Variants in AKR1C8 observed in about 807,000 individuals in gnomAD.
AKR1C8 encodes the protein aldo-keto reductase family 1 member C-like protein 1.
the AKR1C8 span, among the ~76,000 whole-genome samples, chr10:5,128,175 A>G: frequency 6.6e-6 from 1 of 152,166 alleles, no homozygotes; most frequent in African/African-American, 2.4e-5. Flanking sequence ...TGTATCCAGC[A>G]AAACTATATT....
the AKR1C8 span, chr10:5,159,814 G>A: frequency 2.1e-6 from 1 of 473,516 alleles, no homozygotes; most frequent in South Asian, 1.5e-5. Flanking sequence ...GAAACTTGGA[G>A]ACATGATTAA....
At chr10:5,180,833 G>A in the AKR1C8 span, among the ~76,000 whole-genome samples, 190 of 152,262 alleles carry the variant, frequency 1.2e-3, 1 homozygote, top group African/African-American at 4.3e-3. Context: ...TTTTAAGCCC[G>A]TCGGAAAAGC....
chr10:5,177,156 A>G, the AKR1C8 span, among the ~76,000 whole-genome samples: 1 of 152,176 alleles, frequency 6.6e-6, no homozygotes. Flanking sequence ...CATCCCATCA[A>G]TACCTGATTT....
At chr10:5,136,739 C>G in the AKR1C8 span, among the ~76,000 whole-genome samples, 13 of 152,114 alleles carry the variant, frequency 8.5e-5, no homozygotes, top group Non-Finnish European at 1.2e-4. Context: ...ACTATATGTT[C>G]TGAATCAGAA....
chr10:5,127,245 A>C, the AKR1C8 span, among the ~76,000 whole-genome samples: 1 of 152,182 alleles, frequency 6.6e-6, no homozygotes, highest in Non-Finnish European at 1.5e-5. Flanking sequence ...ATATAAATGA[A>C]AAATTTTCCA....
chr10:5,138,791 A>G, the AKR1C8 span, among the ~76,000 whole-genome samples: 203 of 152,126 alleles, frequency 1.3e-3, 4 homozygotes, highest in South Asian at 0.041. Flanking sequence ...CACCACTCCT[A>G]TTCAACATAG....
the AKR1C8 span, among the ~76,000 whole-genome samples, chr10:5,122,554 G>C: frequency 3.3e-5 from 5 of 152,176 alleles, no homozygotes; most frequent in African/African-American, 7.2e-5. Flanking sequence ...ACTTGATCCA[G>C]CCTTAGACTG....
At chr10:5,158,833 C>T in the AKR1C8 span, 263 of 396,532 alleles carry the variant, frequency 6.6e-4, 1 homozygote, top group African/African-American at 5.2e-3. Flanking sequence ...TTCATGTTGG[C>T]CCTTTTCCCC....
chr10:5,137,770 T>C, the AKR1C8 span, among the ~76,000 whole-genome samples: 5 of 152,062 alleles, frequency 3.3e-5, no homozygotes, highest in East Asian at 9.7e-4. Flanking sequence ...AAGAGAGGAA[T>C]TTTACAACTG....
the AKR1C8 span, among the ~76,000 whole-genome samples, chr10:5,174,064 G>C: frequency 6.6e-6 from 1 of 151,756 alleles, no homozygotes; most frequent in Non-Finnish European, 1.5e-5. Flanking sequence ...CAAAGAATTA[G>C]AGTCAGATAA....
chr10:5,119,900 A>G, the AKR1C8 span, among the ~76,000 whole-genome samples: 2 of 152,222 alleles, frequency 1.3e-5, no homozygotes, highest in Non-Finnish European at 2.9e-5. Flanking sequence ...CTAGCATCCC[A>G]TAACATGTAT....
At chr10:5,175,268 T>C in the AKR1C8 span, among the ~76,000 whole-genome samples, 7 of 152,096 alleles carry the variant, frequency 4.6e-5, no homozygotes, top group African/African-American at 1.7e-4. Context: ...GAATGATGAT[T>C]TCCAATTTCA....
chr10:5,163,067 A>C, the AKR1C8 span: 1 of 475,844 alleles, frequency 2.1e-6, no homozygotes, highest in Non-Finnish European at 4.4e-6. Flanking sequence ...ACTCAAAGAA[A>C]ATCAATGCAT....
chr10:5,128,525 G>T, the AKR1C8 span, among the ~76,000 whole-genome samples: 2,229 of 152,096 alleles, frequency 0.015, 53 homozygotes, highest in African/African-American at 0.051. Context: ...CCAAATACCT[G>T]CTATCTTCAA....
the AKR1C8 span, among the ~76,000 whole-genome samples, chr10:5,139,242 T>A: frequency 1.3e-5 from 2 of 152,184 alleles, no homozygotes; most frequent in African/African-American, 4.8e-5. Context: ...AATTTATAGA[T>A]TCAATGCCAT....
At chr10:5,121,783 C>A in the AKR1C8 span, among the ~76,000 whole-genome samples, 1 of 152,130 alleles carries the variant, frequency 6.6e-6, no homozygotes, top group Non-Finnish European at 1.5e-5. Flanking sequence ...TAAGACAGCC[C>A]TGTGCCTTCT....
At chr10:5,133,626 G>T in the AKR1C8 span, among the ~76,000 whole-genome samples, 2 of 152,282 alleles carry the variant, frequency 1.3e-5, no homozygotes, top group South Asian at 4.1e-4. Context: ...CATTGACCCA[G>T]TCTGTGTACC....
chr10:5,126,621 A>G, the AKR1C8 span, among the ~76,000 whole-genome samples: 2 of 152,060 alleles, frequency 1.3e-5, no homozygotes, highest in African/African-American at 4.8e-5. Flanking sequence ...GGGGATACTC[A>G]ATAAATAAAA....
the AKR1C8 span, chr10:5,158,550 A>G: frequency 2.4e-6 from 1 of 416,228 alleles, no homozygotes; most frequent in Non-Finnish European, 4.9e-6. Context: ...GGAGTTTTTC[A>G]GCATCAGCAG....
Sources: gnomAD v4.1 joint callset for allele counts (sites outside exome capture counted in the v4.1 genomes callset) on GRCh38, gnomAD v4.1.1 for gene constraint, MANE v1.5 for transcripts, NCBI Gene and HGNC (gene_info 2026-07-23, HGNC 2026-07-21) for gene names.